Variants in GRIK1 observed in about 807,000 individuals in gnomAD.
The protein encoded by GRIK1 is glutamate receptor ionotropic, kainate 1.
GRIK1 carries 69 observed loss-of-function variants against 105.7 expected under a neutral mutation model. The ratio of observed to expected loss-of-function variants is 0.65; its 90% CI spans 0.54 to 0.80. The LOEUF is 0.80. GRIK1 is among the 30% of genes least tolerant of loss of function. GRIK1 has a pLI of 0.00. For missense variants in GRIK1, 1,109 were observed against 1,167.3 expected (o/e 0.95, Z 0.73); for synonymous variants, 438 against 431.3 (o/e 1.02, Z -0.19).
intron 1 of GRIK1, among the ~76,000 whole-genome samples, chr21:29,903,444 G>A (rs570978577): frequency 2.6e-4 from 40 of 151,964 alleles, no homozygotes; most frequent in Non-Finnish European, 5.3e-4. Flanking sequence ...AAGAAAAAAA[G>A]CAAACAACCT....
intron 15 of GRIK1, among the ~76,000 whole-genome samples, chr21:29,560,303 C>CTTTA (rs1292314152): frequency 9.5e-6 from 1 of 105,294 alleles, no homozygotes; most frequent in Non-Finnish European, 1.9e-5. Context: ...TTCTTTCTTT[C>CTTTA]TTTCTTTCTT....
intron 9 of GRIK1, among the ~76,000 whole-genome samples, chr21:29,595,676 A>C (rs1029734711): frequency 6.6e-6 from 1 of 152,094 alleles, no homozygotes; most frequent in African/African-American, 2.4e-5. Context: ...TCCATTCATC[A>C]GTCCATAGAT....
chr21:29,863,855 C>A (rs2068722751), intron 1 of GRIK1, among the ~76,000 whole-genome samples: 1 of 152,168 alleles, frequency 6.6e-6, no homozygotes, highest in Non-Finnish European at 1.5e-5. Flanking sequence ...TCTTCCCCTT[C>A]AGTCACCTAC....
At chr21:29,682,769 A>G (rs2146683466) in intron 3 of GRIK1, among the ~76,000 whole-genome samples, 1 of 152,358 alleles carries the variant, frequency 6.6e-6, no homozygotes, top group Middle Eastern at 3.4e-3. Flanking sequence ...AACAAAAACA[A>G]ACATTGACAA....
At position 29,537,172 on chromosome 21, in the gene GRIK1, T is replaced by A. The variant is rs1370443560; in HGVS notation, c.*58A>T. ...CACATCACACACTCCTCAGAAATCC[T>A]TTCTCCAAAAATCTGTAGGGAATGC... On this transcript the variant is annotated 3_prime_UTR_variant, in exon 18 of 18. Transcript: ENST00000327783. 6 of 1,290,688 alleles carry A rather than the reference T, an allele frequency of 4.6e-6. No homozygotes were observed. Among genetic ancestry groups the A allele is most frequent in the Non-Finnish European group, 6.4e-6 (6 of 936,358 alleles). 80.0% of individuals were successfully genotyped at this position (1,290,688 alleles called of 1,614,324 possible). A position where few individuals can be genotyped will look rare whatever the true frequency, so the allele number is the denominator to read the frequency against.
At chr21:29,701,742 G>A (rs946289622) in intron 1 of GRIK1, among the ~76,000 whole-genome samples, 6 of 152,208 alleles carry the variant, frequency 3.9e-5, no homozygotes, top group South Asian at 2.1e-4. Flanking sequence ...CACTCTTGCC[G>A]TAAGAGTCTA....
At chr21:29,807,824 C>T (rs2066906419) in intron 1 of GRIK1, among the ~76,000 whole-genome samples, 1 of 152,044 alleles carries the variant, frequency 6.6e-6, no homozygotes, top group African/African-American at 2.4e-5. Context: ...AGCATCAGTA[C>T]AAGCAGCGGG....
At chr21:29,712,385 T>G (rs1438884322) in intron 1 of GRIK1, among the ~76,000 whole-genome samples, 1 of 152,096 alleles carries the variant, frequency 6.6e-6, no homozygotes, top group Non-Finnish European at 1.5e-5. Context: ...TTTATTTCCT[T>G]AGTTCTTTTA....
chr21:29,857,784 C>T (rs1026605312), intron 1 of GRIK1, among the ~76,000 whole-genome samples: 3 of 152,118 alleles, frequency 2.0e-5, no homozygotes, highest in African/African-American at 7.2e-5. Context: ...CTAACTTGGC[C>T]ATTACTGGAT....
At chr21:29,712,961 G>A (rs905754736) in intron 1 of GRIK1, among the ~76,000 whole-genome samples, 2 of 151,646 alleles carry the variant, frequency 1.3e-5, no homozygotes, top group Admixed American at 1.3e-4. Flanking sequence ...TTCACATTGA[G>A]ATAAGAGTTG....
chr21:29,765,039 A>C (rs538240872), intron 1 of GRIK1, among the ~76,000 whole-genome samples: 2 of 152,234 alleles, frequency 1.3e-5, no homozygotes, highest in Non-Finnish European at 2.9e-5. Context: ...TGATTTTCAA[A>C]TGGAGAAAAA....
In GRIK1 at chr21:29,689,647, G is replaced by T. The variant is rs1471772396; in HGVS notation, c.544+81C>A. ...AGAGCATTTTTATGCTCCATCTGAT[G>T]AGTTTAATGACTATTTGATACTTTC... is the stretch of plus-strand genomic sequence containing the variant. On this transcript the variant is annotated intron_variant, in intron 3 of 17. Coordinates refer to ENST00000327783, the MANE Select transcript of GRIK1 (RefSeq NM_001330994.2). 1.8e-5 allele frequency: 22 copies of T among 1,215,192 alleles called. No individual in the cohort carries two copies. The Admixed American group carries it at 2.8e-4, about 15-fold the overall frequency. 75.3% of individuals were successfully genotyped at this position (1,215,192 alleles called of 1,614,324 possible).
chr21:29,722,358 C>T (rs1310497635), intron 1 of GRIK1, among the ~76,000 whole-genome samples: 1 of 151,908 alleles, frequency 6.6e-6, no homozygotes, highest in African/African-American at 2.4e-5. Context: ...AGATCGAGAC[C>T]ATCCTGGCTA....
intron 1 of GRIK1, among the ~76,000 whole-genome samples, chr21:29,752,714 G>A (rs1378238680): frequency 6.6e-6 from 1 of 152,182 alleles, no homozygotes; most frequent in Admixed American, 6.5e-5. Context: ...GCATGTGCCT[G>A]TAGTGCCAAC....
In GRIK1 at chr21:29,707,997, G is replaced by C. The variant is rs75380893; in HGVS notation, c.119-13934C>G. 6.5e-3 allele frequency among the ~76,000 whole-genome samples: 990 copies of C among 152,244 alleles called. 4 individuals carry two copies. Among genetic ancestry groups the C allele is most frequent in the African/African-American group, 0.023 (945 of 41,520 alleles). Reference sequence around the variant, plus strand: ...CTTTTCGTGTTTTTACTTGGAGAGAGTAAAATGTCTTGTAATTACGAAACA... The same window carrying C: ...CTTTTCGTGTTTTTACTTGGAGAGACTAAAATGTCTTGTAATTACGAAACA... On this transcript the variant is annotated intron_variant, in intron 1 of 17. Transcript: ENST00000327783.
intron 1 of GRIK1, among the ~76,000 whole-genome samples, chr21:29,855,851 A>C (rs1028931862): frequency 6.6e-6 from 1 of 152,170 alleles, no homozygotes; most frequent in African/African-American, 2.4e-5. Context: ...TTTCTGACAG[A>C]TGAAATGGGA....
Position 29,642,864 on chromosome 21 carries a change from A to T in GRIK1, c.1060T>A (p.Trp354Arg), listed in dbSNP as rs113725881. 2 of 1,614,154 alleles carry T rather than the reference A, an allele frequency of 1.2e-6. No individual in the cohort carries two copies. Among genetic ancestry groups the T allele is most frequent in the South Asian group, 2.2e-5 (2 of 91,090 alleles). The part of the protein sequence containing the change: ...SSLQCHRHKP[W>R]RLGPRFMNLI... ...TTCATAAATCTGGGTCCGAGGCGCCATGGCTTATGTCTATGGCACTGCAGG... is the reference window on the plus strand; with the variant it reads ...TTCATAAATCTGGGTCCGAGGCGCCTTGGCTTATGTCTATGGCACTGCAGG... Residue 354 changes from tryptophan (W) to arginine (R), a missense_variant, in exon 7 of 18, where the codon TGG becomes AGG. Physicochemically the swap from Trp to Arg is moderately radical, Grantham distance 101. Transcript: ENST00000327783.
At chr21:29,733,999 A>G (rs189447155) in intron 1 of GRIK1, among the ~76,000 whole-genome samples, 33 of 152,190 alleles carry the variant, frequency 2.2e-4, no homozygotes, top group Middle Eastern at 3.4e-3. Flanking sequence ...AAGATATTTA[A>G]TTGTAAGTTT....
chr21:29,939,484 A>T lies in GRIK1; in HGVS notation c.17T>A (p.Leu6His). The T allele has an allele frequency of 1.3e-6, 2 of 1,589,864 alleles. No individual in the cohort carries two copies. Among genetic ancestry groups the T allele is most frequent in the Non-Finnish European group, 1.7e-6 (2 of 1,167,714 alleles). ...GGTCCAGAGCCCGGGCTGGGCGAGG[A>T]GTGTGCCGTGCTCCATCTTCCTAGC... MEHGTLLAQPGLWTRD... is the reference protein window; with the variant it reads MEHGTHLAQPGLWTRD... The change falls in exon 1 of 18, where the codon CTC becomes CAC. Residue 6 changes from leucine (L) to histidine (H), a missense_variant. Leu to His is a moderately conservative substitution (Grantham distance 99). Transcript: ENST00000327783.
Sources: allele counts gnomAD v4.1 joint callset (sites outside exome capture counted in the v4.1 genomes callset), GRCh38; gene constraint gnomAD v4.1.1; transcripts MANE v1.5; gene names NCBI Gene and HGNC (gene_info 2026-07-23, HGNC 2026-07-21).